TXN: variants seen among roughly 807,000 people sequenced by gnomAD.
TXN encodes the protein ADF.
A neutral mutation model predicts 16.5 loss-of-function variants in TXN; 10 were observed. That is an observed-to-expected ratio of 0.61 (90% CI 0.37 to 1.03). TXN has a LOEUF of 1.03. Ranked by LOEUF, TXN falls within the 50% of genes least tolerant of loss-of-function variation. The pLI is 0.01. For missense variants in TXN, 71 were observed against 122.5 expected, an observed-to-expected ratio of 0.58 and a Z score of 1.98; for synonymous variants, 35 against 39.4, an observed-to-expected ratio of 0.89 and a Z score of 0.42.
At chr9:110,249,673 A>C (rs1837703285) in intron 3 of TXN, among the ~76,000 whole-genome samples, 1 of 152,176 alleles carries the variant, frequency 6.6e-6, no homozygotes, top group Non-Finnish European at 1.5e-5. Context: ...ACAGAGTCAA[A>C]AACTGGCTAA....
rs1228829953 is a variant in TXN, at chr9:110,245,654, ATTTT to A, written c.190-815_190-812del. On this transcript the variant is annotated intron_variant, in intron 3 of 4. Coordinates refer to ENST00000374517, the MANE Select transcript of TXN (RefSeq NM_003329.4). The stretch of plus-strand genomic sequence containing the variant: ...TATATATATATATATATATATATAT[ATTTT>A]TTTTTTTTTTTTTTTATAGGGACAA... Among the ~76,000 whole-genome samples the A allele has an allele frequency of 3.0e-3, 66 of 21,754 alleles. No individual in the cohort carries two copies. In the East Asian group the frequency reaches 0.047, roughly 16 times the overall value. 14.3% of individuals were successfully genotyped at this position (21,754 alleles called of 152,430 possible).
chr9:110,253,528 G>C (rs756782346), intron 1 of TXN, among the ~76,000 whole-genome samples: 14 of 152,132 alleles, frequency 9.2e-5, no homozygotes, highest in Non-Finnish European at 1.5e-4. Context: ...CCAATGTCTG[G>C]TTGAATAGAC....
At position 110,243,984 on chromosome 9, in the gene TXN, T is replaced by G; in HGVS notation, c.*173A>C. ...AAATACATTAAATGACCATTTCACA[T>G]TTATTTTGAAAGCTATTCAGACATG... On this transcript the variant is annotated 3_prime_UTR_variant, in exon 5 of 5. Coordinates refer to ENST00000374517, the MANE Select transcript of TXN (RefSeq NM_003329.4). The G allele has an allele frequency of 3.0e-6, 1 of 329,410 alleles. No homozygotes were observed. 20.4% of individuals were successfully genotyped at this position (329,410 alleles called of 1,614,324 possible). A position where few individuals can be genotyped will look rare whatever the true frequency, so the allele number is the denominator to read the frequency against.
rs1409067942 is a variant in TXN, at chr9:110,255,257, C to T, written c.24+1155G>A. Among the ~76,000 whole-genome samples the T allele has an allele frequency of 2.0e-5, 3 of 152,308 alleles. No homozygotes were observed. The East Asian group carries it at 5.8e-4, about 29-fold the overall frequency. ...GGGGTAATCGCAGGGTAGGCGCTGGCGAGGGGTCTTCTACCGTTCGAGCAG... is the reference window on the plus strand; with the variant it reads ...GGGGTAATCGCAGGGTAGGCGCTGGTGAGGGGTCTTCTACCGTTCGAGCAG... On this transcript the variant is annotated intron_variant, in intron 1 of 4. Coordinates refer to ENST00000374517, the MANE Select transcript of TXN (RefSeq NM_003329.4).
At position 110,247,871 on chromosome 9, in the gene TXN, T is replaced by C. The variant is rs899723365; in HGVS notation, c.189+2949A>G. On this transcript the variant is annotated intron_variant, in intron 3 of 4. Transcript: ENST00000374517. ...ATTCCAGGAGAAGGCACTGTTATCA[T>C]AGGAGATGAAAGGTCCATGCATGTT... Among the ~76,000 whole-genome samples, 14 of 152,282 alleles carry C rather than the reference T, an allele frequency of 9.2e-5. No homozygotes were observed. In the Middle Eastern group the frequency reaches 0.01, roughly 111 times the overall value.
intron 3 of TXN, 53 bp downstream of exon 3, chr9:110,250,767 G>GA (rs763118777): frequency 5.9e-6 from 8 of 1,359,776 alleles, no homozygotes; most frequent in Non-Finnish European, 7.3e-6. Context: ...GCAATTCAGA[G>GA]AAAAAGGCCA....
chr9:110,254,893 C>CT (rs1055582752), intron 1 of TXN, among the ~76,000 whole-genome samples: 1 of 152,190 alleles, frequency 6.6e-6, no homozygotes, highest in Non-Finnish European at 1.5e-5. Flanking sequence ...CCCAGCCCCA[C>CT]TCCCTTCCCC....
chr9:110,248,384 C>A (rs1396236932), intron 3 of TXN, among the ~76,000 whole-genome samples: 1 of 152,066 alleles, frequency 6.6e-6, no homozygotes, highest in African/African-American at 2.4e-5. Context: ...TTCACCATAC[C>A]TTTTCTATGT....
chr9:110,245,648 A>ATT (rs1465035800), intron 3 of TXN, among the ~76,000 whole-genome samples: 65 of 23,512 alleles, frequency 2.8e-3, no homozygotes, highest in East Asian at 5.4e-3. Flanking sequence ...ATATATATAT[A>ATT]TATATATTTT....
chr9:110,245,652 A>ATTTTTTTT (rs1277293432), intron 3 of TXN, among the ~76,000 whole-genome samples: 1 of 23,672 alleles, frequency 4.2e-5, no homozygotes, highest in Non-Finnish European at 6.9e-5. Flanking sequence ...ATATATATAT[A>ATTTTTTTT]TATTTTTTTT....
chr9:110,246,584 G>A (rs1419337072), intron 3 of TXN, among the ~76,000 whole-genome samples: 2 of 152,152 alleles, frequency 1.3e-5, no homozygotes, highest in African/African-American at 4.8e-5. Context: ...CAAGCGAGCA[G>A]GCAGGACTGT....
intron 1 of TXN, among the ~76,000 whole-genome samples, chr9:110,252,223 C>CAAAAAAAAAAAAAAAAAAAA (rs377246017): frequency 8.6e-5 from 5 of 58,392 alleles, no homozygotes; most frequent in African/African-American, 3.7e-4. Flanking sequence ...GACTCTGTCG[C>CAAAAAAAAAAAAAAAAAAAA]AAAAAAAAAA....
At chr9:110,251,897 T>C (rs956292707) in intron 1 of TXN, among the ~76,000 whole-genome samples, 2 of 152,166 alleles carry the variant, frequency 1.3e-5, no homozygotes, top group African/African-American at 4.8e-5. Flanking sequence ...CACAAAGGCA[T>C]AGGATTTTGC....
intron 3 of TXN, among the ~76,000 whole-genome samples, chr9:110,245,650 A>T (rs1331773394): frequency 0.26 from 6,200 of 24,272 alleles, 1,067 homozygotes; most frequent in Non-Finnish European, 0.27. Flanking sequence ...ATATATATAT[A>T]TATATTTTTT....
intron 3 of TXN, among the ~76,000 whole-genome samples, chr9:110,245,739 T>C (rs1191394046): frequency 2.1e-5 from 3 of 144,878 alleles, no homozygotes; most frequent in South Asian, 4.5e-4. Flanking sequence ...GTGATCCACC[T>C]TCCTCGGGCT....
intron 1 of TXN, among the ~76,000 whole-genome samples, chr9:110,252,359 G>A (rs1398891717): frequency 2.0e-5 from 3 of 151,566 alleles, no homozygotes; most frequent in Admixed American, 1.3e-4. Context: ...AGACATCACC[G>A]TTGACATAAG....
chr9:110,249,310 A>AAG (rs1366768639), intron 3 of TXN, among the ~76,000 whole-genome samples: 1 of 151,006 alleles, frequency 6.6e-6, no homozygotes, highest in Non-Finnish European at 1.5e-5. Context: ...CTCTTTTTAA[A>AAG]AAAAAAAAAA....
At chr9:110,251,080 T>A (rs1289631186) in intron 2 of TXN, among the ~76,000 whole-genome samples, 2 of 152,244 alleles carry the variant, frequency 1.3e-5, no homozygotes, top group Admixed American at 1.3e-4. Flanking sequence ...GCTTGGCATA[T>A]CAAATTCTGA....
rs553134485 is a variant in TXN at position 110,245,224 on chromosome 9, T to A, written c.190-381A>T. ...TCTGCTACAATTGGACTCAGTATGA[T>A]AATCTTAACTATTCCTCAGAACTAG... On this transcript the variant is annotated intron_variant, in intron 3 of 4. Transcript: ENST00000374517. The A allele has an allele frequency of 1.1e-4, 18 of 163,170 alleles. No individual in the cohort carries two copies. In the East Asian group the frequency reaches 3.0e-3, roughly 27 times the overall value. 10.1% of individuals were successfully genotyped at this position (163,170 alleles called of 1,614,324 possible).
Sources: allele counts gnomAD v4.1 joint callset (sites outside exome capture counted in the v4.1 genomes callset), GRCh38; gene constraint gnomAD v4.1.1; transcripts MANE v1.5; gene names NCBI Gene and HGNC (gene_info 2026-07-23, HGNC 2026-07-21).